Variants in CACHD1 observed in about 807,000 individuals in gnomAD.
CACHD1 encodes the protein VWFA and cache domain-containing protein 1.
Under a neutral mutation model 138.7 loss-of-function variants are expected in CACHD1, and 71 were observed. The ratio of observed to expected loss-of-function variants is 0.51; its 90% CI spans 0.42 to 0.62. The LOEUF (loss-of-function observed/expected upper bound fraction) is 0.62, where lower values mean the gene tolerates loss of function less well. Ranked by LOEUF, CACHD1 falls within the 20% of genes least tolerant of loss-of-function variation. CACHD1 has a pLI of 0.00. For synonymous variants in CACHD1, 578 were observed against 591.5 expected (o/e 0.98, Z 0.33); for missense variants, 1,389 against 1,625.3 (o/e 0.85, Z 2.50).
intron 1 of CACHD1, among the ~76,000 whole-genome samples, chr1:64,524,061 C>T (rs759889821): frequency 6.6e-6 from 1 of 151,932 alleles, no homozygotes; most frequent in African/African-American, 2.4e-5. Flanking sequence ...GGAAATTATT[C>T]TATGCTTTAT....
intron 4 of CACHD1, among the ~76,000 whole-genome samples, chr1:64,618,758 T>A (rs951738709): frequency 1.4e-4 from 21 of 152,164 alleles, no homozygotes; most frequent in African/African-American, 4.8e-4. Context: ...TACTGAGAGG[T>A]GCTAAGTCAG....
intron 2 of CACHD1, among the ~76,000 whole-genome samples, chr1:64,577,572 C>A (rs910601599): frequency 6.6e-6 from 1 of 152,054 alleles, no homozygotes; most frequent in Non-Finnish European, 1.5e-5. Context: ...AGCTTTGTAA[C>A]CTTGAGCAAA....
chr1:64,593,649 C>T (rs1369218693), intron 3 of CACHD1, among the ~76,000 whole-genome samples: 5 of 152,102 alleles, frequency 3.3e-5, no homozygotes, highest in South Asian at 2.1e-4. Context: ...TTTTCACTGC[C>T]TTATCTCACA....
chr1:64,670,178 C>T (rs1286366346), intron 16 of CACHD1, among the ~76,000 whole-genome samples: 1 of 152,192 alleles, frequency 6.6e-6, no homozygotes, highest in African/African-American at 2.4e-5. Flanking sequence ...TGTTGTGTGT[C>T]TGTAGTCCCA....
At chr1:64,664,305 G>A (rs755243425) in intron 14 of CACHD1, 193 bp from the exon 15 acceptor site, 29 of 594,440 alleles carry the variant, frequency 4.9e-5, no homozygotes, top group Non-Finnish European at 7.7e-5. Flanking sequence ...GAGTGATCAC[G>A]CATCTGCTGA....
In CACHD1 at chr1:64,521,997, A is replaced by G. The variant is rs114658576; in HGVS notation, c.199-28597A>G. On this transcript the variant is annotated intron_variant, in intron 1 of 26. Transcript: ENST00000651257. The stretch of plus-strand genomic sequence containing the variant: ...AAAGTTTATTTTTCCTTTGTTTCTC[A>G]TGTTATTTGTGCCATGTTTAAGAAT... 3.8e-3 allele frequency among the ~76,000 whole-genome samples: 583 copies of G among 152,108 alleles called. 10 individuals are homozygous for G. Among genetic ancestry groups the G allele is most frequent in the African/African-American group, 0.013 (555 of 41,512 alleles).
At chr1:64,582,707 A>G (rs1317349841) in intron 3 of CACHD1, among the ~76,000 whole-genome samples, 1 of 152,164 alleles carries the variant, frequency 6.6e-6, no homozygotes, top group Non-Finnish European at 1.5e-5. Flanking sequence ...ACTTTAGTAG[A>G]TACTATCTTT....
intron 1 of CACHD1, among the ~76,000 whole-genome samples, chr1:64,533,268 A>C (rs1466477134): frequency 1.3e-5 from 2 of 152,212 alleles, no homozygotes. Flanking sequence ...AGATACAAGA[A>C]TCACTTGAAC....
rs1646137381 is a variant in CACHD1, at chr1:64,470,622, G to GGAGCA, written c.-118_-114dup. 2.7e-6 allele frequency: 1 copy of GGAGCA among 366,070 alleles called. No homozygotes were observed. The highest frequency in any genetic ancestry group is 2.1e-5 in the African/African-American group (1 of 46,964). The allele number at this position is 366,070 out of a possible 1,614,324, so 22.7% of individuals were successfully genotyped here. On this transcript the variant is annotated 5_prime_UTR_variant, in exon 1 of 27. Coordinates refer to ENST00000651257, the MANE Select transcript of CACHD1 (RefSeq NM_020925.4). This position sits in a 1 kb window ranked among gnomAD's most constrained non-coding sequence, Gnocchi z 5.2. ...TTGGGAGCCTTCGCCACCGCGGCGC[G>GGAGCA]GAGCAGAGCCTGCAACAGAGGAAGA...
At chr1:64,585,387 T>C (rs1160625939) in intron 3 of CACHD1, among the ~76,000 whole-genome samples, 2 of 152,208 alleles carry the variant, frequency 1.3e-5, no homozygotes, top group Non-Finnish European at 2.9e-5. Flanking sequence ...CAATCAAGCA[T>C]AAAATGTAGT....
intron 1 of CACHD1, among the ~76,000 whole-genome samples, chr1:64,529,524 C>CT (rs1327991947): frequency 6.6e-6 from 1 of 152,162 alleles, no homozygotes; most frequent in Non-Finnish European, 1.5e-5. Flanking sequence ...TTCCAGTTCT[C>CT]TTTTTTGGTT....
At chr1:64,573,994 A>C (rs1281267893) in intron 2 of CACHD1, among the ~76,000 whole-genome samples, 2 of 152,214 alleles carry the variant, frequency 1.3e-5, no homozygotes, top group Non-Finnish European at 2.9e-5. Context: ...AGTGTGAAGC[A>C]GAAAGTGAGT....
chr1:64,669,559 G>C (rs1297585134), intron 16 of CACHD1, among the ~76,000 whole-genome samples: 1 of 152,178 alleles, frequency 6.6e-6, no homozygotes, highest in African/African-American at 2.4e-5. Context: ...CTTTGGAGAA[G>C]GGTGGTGCTG....
In CACHD1 at chr1:64,663,769, C is replaced by A; in HGVS notation, c.2026C>A (p.Arg676Ser). The A allele has an allele frequency of 6.2e-7, 1 of 1,614,098 alleles. No homozygotes were observed. ...YEHLSQPETK[R>S]MVEHYTAYLS... ...GCACCTCAGCCAGCCAGAGACAAAGCGCATGGTAGAGCACTACACCGCCTA... is the reference window on the plus strand; with the variant it reads ...GCACCTCAGCCAGCCAGAGACAAAGAGCATGGTAGAGCACTACACCGCCTA... The change falls in exon 14 of 27, where the codon CGC (arginine) becomes AGC (serine). Residue 676 changes from arginine (R) to serine (S), a missense_variant. Physicochemically the swap from Arg to Ser is moderately radical, Grantham distance 110. This residue lies in a region of CACHD1 where 1,000 missense variants were observed against 1,114.7 expected (regional missense o/e 0.90). Coordinates refer to ENST00000651257, the MANE Select transcript of CACHD1 (RefSeq NM_020925.4).
intron 9 of CACHD1, among the ~76,000 whole-genome samples, chr1:64,651,784 A>G (rs1649105585): frequency 6.6e-6 from 1 of 152,254 alleles, no homozygotes; most frequent in Non-Finnish European, 1.5e-5. Flanking sequence ...TTCATTGTCC[A>G]TTGATCTTTC....
intron 1 of CACHD1, among the ~76,000 whole-genome samples, chr1:64,530,479 C>T (rs1039614696): frequency 8.5e-5 from 13 of 152,186 alleles, no homozygotes; most frequent in African/African-American, 3.1e-4. Flanking sequence ...GGGAAACATA[C>T]CTTTAGCCTT....
chr1:64,681,547 T>TTTTTTTTTTTTTTTTTTTTTTTTG (rs1650187041), intron 25 of CACHD1, among the ~76,000 whole-genome samples: 1 of 114,506 alleles, frequency 8.7e-6, no homozygotes, highest in African/African-American at 2.8e-5. Context: ...TTGTGTTTTT[T>TTTTTTTTTTTTTTTTTTTTTTTTG]TTTTTTTTTT....
At chr1:64,504,473 C>A (rs1646356786) in intron 1 of CACHD1, among the ~76,000 whole-genome samples, 1 of 152,148 alleles carries the variant, frequency 6.6e-6, no homozygotes, top group African/African-American at 2.4e-5. Flanking sequence ...CAAGTCTCAA[C>A]CTTTCTCTTT....
intron 2 of CACHD1, among the ~76,000 whole-genome samples, chr1:64,565,310 A>G (rs772078092): frequency 1.6e-4 from 24 of 151,884 alleles, no homozygotes; most frequent in Non-Finnish European, 1.0e-4. Context: ...TGTGCTTGCT[A>G]AATGTTCATT....
Sources: gnomAD v4.1 joint callset for allele counts (sites outside exome capture counted in the v4.1 genomes callset) on GRCh38, gnomAD v4.1.1 for gene constraint, gnomAD v4.1.1 regional missense constraint, Gnocchi (gnomAD v3.1) non-coding constraint, MANE v1.5 for transcripts, NCBI Gene and HGNC (gene_info 2026-07-23, HGNC 2026-07-21) for gene names.